Variants in EPM2A observed in about 807,000 individuals in gnomAD.
The protein encoded by EPM2A is EPM2A glucan phosphatase, laforin.
EPM2A carries 21 observed loss-of-function variants against 26.5 expected under a neutral mutation model. The ratio of observed to expected loss-of-function variants is 0.79; its 90% confidence interval spans 0.56 to 1.14. The LOEUF (loss-of-function observed/expected upper bound fraction) is 1.14. EPM2A is among the 50% of genes most tolerant of loss of function. The probability of loss-of-function intolerance (pLI) is 0.00; values close to 1 mark genes in which losing one functional copy is unlikely to be tolerated. For synonymous variants in EPM2A, 217 were observed against 177.6 expected (o/e 1.22, Z -1.76); for missense variants, 458 against 440.8 (o/e 1.04, Z -0.35).
intron 1 of EPM2A, among the ~76,000 whole-genome samples, chr6:145,732,128 T>C (rs989395077): frequency 2.6e-5 from 4 of 151,984 alleles, no homozygotes; most frequent in Admixed American, 6.6e-5. Flanking sequence ...GAGGAAGATA[T>C]ACCATTTAAA....
At chr6:145,649,241 T>A (rs1379062593) in intron 2 of EPM2A, among the ~76,000 whole-genome samples, 1 of 152,164 alleles carries the variant, frequency 6.6e-6, no homozygotes, top group Non-Finnish European at 1.5e-5. Context: ...TACATTTGAA[T>A]CCTGGCTCCA....
chr6:145,479,710 A>G (rs1171396473), intron 4 of EPM2A, among the ~76,000 whole-genome samples: 1 of 152,068 alleles, frequency 6.6e-6, no homozygotes, highest in Non-Finnish European at 1.5e-5. Context: ...TAATGTTGCA[A>G]TGAATATTGG....
At chr6:145,638,150 T>C (rs951370492) in intron 2 of EPM2A, 1 of 152,226 alleles carries the variant, frequency 6.6e-6, no homozygotes, top group African/African-American at 2.4e-5. Context: ...CCACTCAGCA[T>C]TTTCTTGAAT....
intron 2 of EPM2A, among the ~76,000 whole-genome samples, chr6:145,569,748 C>T (rs1471211581): frequency 6.6e-6 from 1 of 152,030 alleles, no homozygotes; most frequent in Non-Finnish European, 1.5e-5. Flanking sequence ...TATTATTATC[C>T]TCATATTTTA....
At chr6:145,710,891 T>C (rs1378315496) in intron 1 of EPM2A, among the ~76,000 whole-genome samples, 1 of 145,800 alleles carries the variant, frequency 6.9e-6, no homozygotes, top group African/African-American at 2.6e-5. Flanking sequence ...AAACACCACA[T>C]GTTCTCACTC....
intron 2 of EPM2A, among the ~76,000 whole-genome samples, chr6:145,582,466 T>G (rs898983391): frequency 6.6e-6 from 1 of 152,246 alleles, no homozygotes; most frequent in African/African-American, 2.4e-5. Flanking sequence ...TTTGGTCCAG[T>G]GTCTAGTTCA....
chr6:145,644,668 A>G (rs1184267018), intron 2 of EPM2A, among the ~76,000 whole-genome samples: 3 of 152,068 alleles, frequency 2.0e-5, no homozygotes, highest in Non-Finnish European at 2.9e-5. Context: ...GAGGATAAAT[A>G]TTATATTTTT....
At chr6:145,703,865 C>T (rs907843153) in intron 1 of EPM2A, among the ~76,000 whole-genome samples, 13 of 152,204 alleles carry the variant, frequency 8.5e-5, no homozygotes, top group South Asian at 2.1e-4. Context: ...AAGTGTTTCT[C>T]GAACATGTCA....
At chr6:145,410,032 C>G (rs2114674238) in intron 4 of EPM2A, among the ~76,000 whole-genome samples, 1 of 152,280 alleles carries the variant, frequency 6.6e-6, no homozygotes, top group East Asian at 1.9e-4. Context: ...CCCCAAAGGT[C>G]AGCCTTGATT....
At chr6:145,599,742 C>G (rs533743828) in intron 2 of EPM2A, among the ~76,000 whole-genome samples, 24 of 151,914 alleles carry the variant, frequency 1.6e-4, no homozygotes, top group African/African-American at 5.5e-4. Context: ...AATTAGAGTC[C>G]TTTGAGCATG....
intron 2 of EPM2A, among the ~76,000 whole-genome samples, chr6:145,661,648 T>A (rs1300802598): frequency 6.6e-6 from 1 of 152,202 alleles, no homozygotes; most frequent in Non-Finnish European, 1.5e-5. Context: ...TGTTAAACAA[T>A]CTCATGAAAA....
intron 4 of EPM2A, among the ~76,000 whole-genome samples, chr6:145,443,716 C>T (rs367948566): frequency 2.6e-4 from 40 of 152,250 alleles, no homozygotes; most frequent in South Asian, 8.3e-4. Context: ...CTACCCAAAT[C>T]TCACCTTGTA....
chr6:145,523,164 A>G (rs1054557484), intron 2 of EPM2A, among the ~76,000 whole-genome samples: 4 of 152,152 alleles, frequency 2.6e-5, no homozygotes, highest in African/African-American at 9.7e-5. Context: ...AACTTTCTAT[A>G]GTTCTTAATA....
chr6:145,680,273 T>C (rs1780405499), intron 2 of EPM2A: 1 of 151,500 alleles, frequency 6.6e-6, no homozygotes, highest in Non-Finnish European at 1.5e-5. Context: ...TGGCTAAAAA[T>C]CAAAAACTAA....
intron 1 of EPM2A, among the ~76,000 whole-genome samples, chr6:145,691,528 T>G (rs375687272): frequency 7.0e-4 from 107 of 152,176 alleles, no homozygotes; most frequent in African/African-American, 2.4e-3. Context: ...ACAGGAAGAA[T>G]GAGCACAGTA....
At chr6:145,622,384 T>C (rs560622317), downstream of EPM2A, among the ~76,000 whole-genome samples, 1 of 152,282 alleles carries the variant, frequency 6.6e-6, no homozygotes, top group East Asian at 1.9e-4. Context: ...AGCCTTCAGG[T>C]AGTTGTTTTC....
chr6:145,647,196 CT>C (rs1199712050), intron 2 of EPM2A, among the ~76,000 whole-genome samples: 1 of 152,172 alleles, frequency 6.6e-6, no homozygotes, highest in African/African-American at 2.4e-5. Context: ...AAAGTTCAAT[CT>C]TTTGGCCTGA....
chr6:145,639,411 CTTA>C (rs1302863579), intron 2 of EPM2A: 4 of 152,156 alleles, frequency 2.6e-5, no homozygotes, highest in Non-Finnish European at 5.9e-5. Flanking sequence ...CTCAGAGATA[CTTA>C]TAGAGAGGCT....
chr6:145,508,985 G>GA (rs962522235), intron 2 of EPM2A, among the ~76,000 whole-genome samples: 9 of 150,036 alleles, frequency 6.0e-5, no homozygotes, highest in African/African-American at 1.7e-4. Context: ...CAAAGCAGAA[G>GA]AAAAAAAAAT....
Sources: gnomAD v4.1 joint callset for allele counts (sites outside exome capture counted in the v4.1 genomes callset) on GRCh38, gnomAD v4.1.1 for gene constraint, MANE v1.5 for transcripts, NCBI Gene and HGNC (gene_info 2026-07-23, HGNC 2026-07-21) for gene names.